PSMB4: variants seen among roughly 807,000 people sequenced by gnomAD.
The protein encoded by PSMB4 is proteasome subunit beta type-4.
Under a neutral mutation model 35.2 loss-of-function variants are expected in PSMB4, and 16 were observed. The observed-to-expected ratio is 0.45, with a 90% CI of 0.31 to 0.69. PSMB4 has a LOEUF of 0.69. PSMB4 is among the 30% of genes least tolerant of loss of function. The pLI is 0.06. For missense variants in PSMB4, 333 were observed against 351.8 expected (o/e 0.95, Z 0.43); for synonymous variants, 144 against 134.1 (o/e 1.07, Z -0.51).
chr1:151,400,040 T>C lies in PSMB4; in HGVS notation c.200T>C (p.Ile67Thr). 5 of 1,614,124 alleles carry C rather than the reference T, an allele frequency of 3.1e-6. No individual in the cohort carries two copies. The highest frequency in any genetic ancestry group is 4.2e-6 in the Non-Finnish European group (5 of 1,179,998). ...GTTAAGTTCGAGGGCGGAGTGGTGA[T>C]TGCCGCAGACATGCTGGGATCCTAC... ...LGVKFEGGVVIAADMLGSYGS... is the reference protein window; with the variant it reads ...LGVKFEGGVVTAADMLGSYGS... Residue 67 changes from isoleucine (I) to threonine (T), a missense_variant, in exon 2 of 7, where the codon ATT becomes ACT. Transcript: ENST00000290541.
intron 1 of PSMB4, 43 bp from the exon 2 acceptor site, chr1:151,399,938 C>CA (rs1314977821): frequency 6.4e-7 from 1 of 1,568,954 alleles, no homozygotes; most frequent in Non-Finnish European, 8.8e-7. Context: ...AAAGAGGGCG[C>CA]AGTCCATCCC....
In PSMB4 at chr1:151,401,223, C is replaced by A. The variant is rs779605691; in HGVS notation, c.577-16C>A. On this transcript the variant is annotated splice_polypyrimidine_tract_variant and intron_variant, in intron 4 of 6. Transcript: ENST00000290541. ...CAGCCCAATATCCCCCCATGGTTTT[C>A]CCCCAATCTCCCTAGCCTCTGCTGC... 9 of 1,606,810 alleles carry A rather than the reference C, an allele frequency of 5.6e-6. No individual in the cohort carries two copies. The highest frequency in any genetic ancestry group is 2.7e-5 in the African/African-American group (2 of 74,896).
In PSMB4 at chr1:151,399,613, C is replaced by T. The variant is rs768718256; in HGVS notation, c.26C>T (p.Ser9Phe). Residue 9 changes from serine to phenylalanine, a missense_variant, in exon 1 of 7, where the codon TCC (serine) becomes TTC (phenylalanine). Physicochemically the swap from Ser to Phe is radical, Grantham distance 155. Coordinates refer to ENST00000290541, the MANE Select transcript of PSMB4 (RefSeq NM_002796.3). Reference sequence around the variant, plus strand: ...ATGGAAGCGTTTTTGGGGTCGCGGTCCGGACTTTGGGCGGGGGGTCCGGCC... The same window carrying T: ...ATGGAAGCGTTTTTGGGGTCGCGGTTCGGACTTTGGGCGGGGGGTCCGGCC... MEAFLGSRSGLWAGGPAPG... is the reference protein window; with the variant it reads MEAFLGSRFGLWAGGPAPG... 23 of 1,613,656 alleles carry T rather than the reference C, an allele frequency of 1.4e-5. No homozygotes were observed. Among genetic ancestry groups the T allele is most frequent in the Middle Eastern group, 1.7e-4 (1 of 6,022 alleles).
Position 151,400,833 on chromosome 1 carries a change from A to G in PSMB4, c.564A>G (p.Ala188=), listed in dbSNP as rs1652792745. ...CTTCGCTGGCCACTGGTTATGGTGCATACTTGGCTCAGGTAAGTAGTAAGT... is the reference window on the plus strand; with the variant it reads ...CTTCGCTGGCCACTGGTTATGGTGCGTACTTGGCTCAGGTAAGTAGTAAGT... ...EAPSLATGYG[A]YLAQPLLREV... The change falls in exon 4 of 7, where the codon GCA becomes GCG. Residue 188 remains alanine (A), a synonymous_variant. Transcript: ENST00000290541. The G allele has an allele frequency of 2.5e-6, 4 of 1,613,956 alleles. No individual in the cohort carries two copies. Among genetic ancestry groups the G allele is most frequent in the African/African-American group, 1.3e-5 (1 of 74,920 alleles).
intron 4 of PSMB4, 69 bp downstream of exon 4, chr1:151,400,914 TCTC>T (rs1652798089): frequency 1.4e-6 from 2 of 1,459,618 alleles, no homozygotes; most frequent in Non-Finnish European, 1.9e-6. Flanking sequence ...TGTCTGCTTT[TCTC>T]CTGAAATTCT....
intron 5 of PSMB4, 37 bp downstream of exon 5, chr1:151,401,392 G>C: frequency 6.3e-7 from 1 of 1,597,402 alleles, no homozygotes. Flanking sequence ...GGCGGGCTCT[G>C]GCTACTTGCA....
chr1:151,399,869 G>C, intron 1 of PSMB4, 112 bp from the exon 2 acceptor site: 1 of 1,549,328 alleles, frequency 6.5e-7, no homozygotes, highest in Non-Finnish European at 8.9e-7. Context: ...CGGAGTCCTG[G>C]AGAATGCAGA....
intron 1 of PSMB4, 91 bp downstream of exon 1, chr1:151,399,818 G>C (rs1652753941): frequency 1.3e-6 from 2 of 1,599,206 alleles, no homozygotes; most frequent in Non-Finnish European, 1.7e-6. Context: ...AGGTGAGGCG[G>C]GGACCCCGGG....
Position 151,399,964 on chromosome 1 carries a change from C to T in PSMB4, c.141-17C>T. The T allele has an allele frequency of 1.2e-6, 2 of 1,611,806 alleles. No homozygotes were observed. Among genetic ancestry groups the T allele is most frequent in the Non-Finnish European group, 1.7e-6 (2 of 1,178,736 alleles). On this transcript the variant is annotated splice_polypyrimidine_tract_variant and intron_variant, in intron 1 of 6. Coordinates refer to ENST00000290541, the MANE Select transcript of PSMB4 (RefSeq NM_002796.3). The stretch of plus-strand genomic sequence containing the variant: ...AGTCCATCCCCCCTCTCAGCTCCCA[C>T]CGTTCTCACTCTTTAGGAACCCCAT...
Position 151,400,586 on chromosome 1 carries a change from G to C in PSMB4, c.492G>C (p.Glu164Asp). ...TCATCGGAGGCTATGCTGATGGAGA[G>C]AGGTTCATATGAATACAAATAACTT... ...TMVIGGYADG[E>D]SFLGYVDMLG... The change falls in exon 3 of 7, where the codon GAG becomes GAC. Residue 164 changes from glutamate (E) to aspartate (D), a missense_variant and splice_region_variant. Transcript: ENST00000290541. 2 of 1,614,112 alleles carry C rather than the reference G, an allele frequency of 1.2e-6. No homozygotes were observed. The highest frequency in any genetic ancestry group is 1.7e-6 in the Non-Finnish European group (2 of 1,180,020).
At position 151,401,921 on chromosome 1, in the gene PSMB4, T is replaced by A; in HGVS notation, c.*92T>A. The A allele has an allele frequency of 7.5e-7, 1 of 1,338,964 alleles. No homozygotes were observed. Among genetic ancestry groups the A allele is most frequent in the Admixed American group, 1.8e-5 (1 of 55,136 alleles). 82.9% of individuals were successfully genotyped at this position (1,338,964 alleles called of 1,614,324 possible). On this transcript the variant is annotated 3_prime_UTR_variant, in exon 7 of 7. Coordinates refer to ENST00000290541, the MANE Select transcript of PSMB4 (RefSeq NM_002796.3). ...ATAGACTCTTCTTTTGTAAAGTAAATAAATTCTTCAAAATGCTTGCTGAGT... is the reference window on the plus strand; with the variant it reads ...ATAGACTCTTCTTTTGTAAAGTAAAAAAATTCTTCAAAATGCTTGCTGAGT...
intron 2 of PSMB4, 87 bp downstream of exon 2, chr1:151,400,274 T>G: frequency 6.7e-7 from 1 of 1,490,320 alleles, no homozygotes; most frequent in Non-Finnish European, 9.3e-7. Context: ...ATGGGGGGAC[T>G]TGTTGCAGCG....
In PSMB4 at chr1:151,399,715, T is replaced by C; in HGVS notation, c.128T>C (p.Ile43Thr). The change falls in exon 1 of 7, where the codon ATC (isoleucine) becomes ACC (threonine). Residue 43 changes from isoleucine (I) to threonine (T), a missense_variant. Coordinates refer to ENST00000290541, the MANE Select transcript of PSMB4 (RefSeq NM_002796.3). ...GCGTCTGCACTTTACAGAGGTCCAATCACGCGGACCCAGTAAGTTCTCGGC... is the reference window on the plus strand; with the variant it reads ...GCGTCTGCACTTTACAGAGGTCCAACCACGCGGACCCAGTAAGTTCTCGGC... ...DPASALYRGPITRTQNPMVTG... is the reference protein window; with the variant it reads ...DPASALYRGPTTRTQNPMVTG... 1.2e-6 allele frequency: 2 copies of C among 1,614,068 alleles called. No homozygotes were observed. The highest frequency in any genetic ancestry group is 1.1e-5 in the South Asian group (1 of 91,068).
intron 2 of PSMB4, 102 bp downstream of exon 2, chr1:151,400,289 A>G: frequency 6.8e-7 from 1 of 1,467,408 alleles, no homozygotes; most frequent in Non-Finnish European, 9.5e-7. Flanking sequence ...GCAGCGGGGG[A>G]CTGGAAGAGT....
rs1415482883 is a variant in PSMB4 at position 151,400,063 on chromosome 1, T to TA, written c.224dup (p.Tyr75Ter). 6.2e-7 allele frequency: 1 copy of TA among 1,614,050 alleles called. No homozygotes were observed. The highest frequency in any genetic ancestry group is 1.3e-5 in the African/African-American group (1 of 74,926). The change falls in exon 2 of 7, where the codon TAC (tyrosine) becomes TAAC (stop). Residue 75 changes from tyrosine to a stop codon, truncating the protein, a stop_gained and frameshift_variant. Coordinates refer to ENST00000290541, the MANE Select transcript of PSMB4 (RefSeq NM_002796.3). LOFTEE classifies it high-confidence loss of function. ...VVIAADMLGSYGSLARFRNIS... is the reference protein window; with the variant it reads ...VVIAADMLGS Reference sequence around the variant, plus strand: ...GATTGCCGCAGACATGCTGGGATCCTACGGCTCCTTGGCTCGTTTCCGCAA... The same window carrying TA: ...GATTGCCGCAGACATGCTGGGATCCTAACGGCTCCTTGGCTCGTTTCCGCAA...
At position 151,401,226 on chromosome 1, in the gene PSMB4, C is replaced by G. The variant is rs201621447; in HGVS notation, c.577-13C>G. 3 of 1,610,680 alleles carry G rather than the reference C, an allele frequency of 1.9e-6. No individual in the cohort carries two copies. The highest frequency in any genetic ancestry group is 3.3e-5 in the Admixed American group (2 of 60,010). ...CCCAATATCCCCCCATGGTTTTCCC[C>G]CAATCTCCCTAGCCTCTGCTGCGAG... On this transcript the variant is annotated splice_polypyrimidine_tract_variant and intron_variant, in intron 4 of 6. Transcript: ENST00000290541.
intron 3 of PSMB4, 62 bp downstream of exon 3, chr1:151,400,650 T>C (rs1052721): frequency 6.2e-7 from 1 of 1,611,812 alleles, no homozygotes; most frequent in Middle Eastern, 1.7e-4. Context: ...GTGTAGTATC[T>C]CTTCTGTCTC....
Position 151,401,353 on chromosome 1 carries a change from C to G in PSMB4, c.691C>G (p.Arg231Gly). The G allele has an allele frequency of 6.2e-7, 1 of 1,613,878 alleles. No individual in the cohort carries two copies. The highest frequency in any genetic ancestry group is 8.5e-7 in the Non-Finnish European group (1 of 1,179,886). ...LYYRDARSYN[R>G]FQIATVTEKG... is the part of the protein sequence containing the mutation. ...CTACCGAGATGCCCGTTCTTACAACCGGGTGAGGGATGTGCTGGGAACCTA... is the reference window on the plus strand; with the variant it reads ...CTACCGAGATGCCCGTTCTTACAACGGGGTGAGGGATGTGCTGGGAACCTA... Residue 231 changes from arginine (R) to glycine (G), a missense_variant and splice_region_variant, in exon 5 of 7, where the codon CGG (arginine) becomes GGG (glycine). Arg to Gly is a moderately radical substitution (Grantham distance 125). Transcript: ENST00000290541.
chr1:151,399,599 T>C lies in PSMB4; in HGVS notation c.12T>C (p.Phe4=). The part of the protein sequence containing the change: MEA[F]LGSRSGLWAG... ...CTACCGTGACTAAGATGGAAGCGTT[T>C]TTGGGGTCGCGGTCCGGACTTTGGG... The change falls in exon 1 of 7, where the codon TTT becomes TTC. Residue 4 remains phenylalanine, a synonymous_variant. Coordinates refer to ENST00000290541, the MANE Select transcript of PSMB4 (RefSeq NM_002796.3). 1.2e-6 allele frequency: 2 copies of C among 1,611,666 alleles called. No individual in the cohort carries two copies. The highest frequency in any genetic ancestry group is 1.7e-6 in the Non-Finnish European group (2 of 1,179,038).
Sources: gnomAD v4.1 joint callset for allele counts on GRCh38, gnomAD v4.1.1 for gene constraint, MANE v1.5 for transcripts, NCBI Gene and HGNC (gene_info 2026-07-23, HGNC 2026-07-21) for gene names.